NAV3: variants seen among roughly 807,000 people sequenced by gnomAD.
The protein encoded by NAV3 is pore membrane and/or filament interacting like protein 1.
Under a neutral mutation model 244.7 loss-of-function variants are expected in NAV3, and 87 were observed. The observed-to-expected ratio is 0.36, with a 90% confidence interval of 0.30 to 0.42. The LOEUF is 0.42. Among genes scored for constraint, NAV3 ranks in the 20% least tolerant of loss-of-function variants. The pLI is 1.00. For missense variants in NAV3, 2,663 were observed against 2,893.3 expected (o/e 0.92, Z 1.83); for synonymous variants, 1,126 against 1,042.2 (o/e 1.08, Z -1.55).
intron 2 of NAV3, among the ~76,000 whole-genome samples, chr12:77,653,167 T>C (rs1296354028): frequency 6.6e-6 from 1 of 152,188 alleles, no homozygotes; most frequent in Non-Finnish European, 1.5e-5. Flanking sequence ...ATCTTGAGAA[T>C]GGTATGTTCT....
intron 1 of NAV3, among the ~76,000 whole-genome samples, chr12:77,923,837 C>T (rs1887938633): frequency 6.6e-6 from 1 of 151,980 alleles, no homozygotes; most frequent in Non-Finnish European, 1.5e-5. Context: ...ATGAAGAGTC[C>T]ACAATATATG....
intron 2 of NAV3, among the ~76,000 whole-genome samples, chr12:77,615,444 C>T (rs1429669111): frequency 6.6e-6 from 1 of 152,064 alleles, no homozygotes; most frequent in Non-Finnish European, 1.5e-5. Flanking sequence ...CATTTAGCTC[C>T]CACTTACAAG....
chr12:77,940,258 C>A, intron 1 of NAV3, 61 bp from the exon 2 acceptor site: 2 of 1,214,510 alleles, frequency 1.6e-6, no homozygotes, highest in Non-Finnish European at 2.4e-6. Context: ...TTGTCTTCAG[C>A]ATTTTATTGT....
At chr12:78,069,921 C>T (rs1952669780) in intron 12 of NAV3, among the ~76,000 whole-genome samples, 1 of 151,940 alleles carries the variant, frequency 6.6e-6, no homozygotes, top group Non-Finnish European at 1.5e-5. Flanking sequence ...TGTAAACTAT[C>T]AGGAATTATA....
chr12:78,155,012 A>G (rs963849394), intron 22 of NAV3, among the ~76,000 whole-genome samples: 2 of 151,094 alleles, frequency 1.3e-5, no homozygotes, highest in Admixed American at 6.6e-5. Context: ...ATTTAAGACA[A>G]TATTTTTTTT....
At chr12:77,921,939 T>C (rs1391474120) in intron 1 of NAV3, among the ~76,000 whole-genome samples, 1 of 152,122 alleles carries the variant, frequency 6.6e-6, no homozygotes, top group Non-Finnish European at 1.5e-5. Flanking sequence ...CATAAGGTCC[T>C]TTGGAGGATA....
chr12:77,614,469 T>C (rs1448842373), intron 2 of NAV3, among the ~76,000 whole-genome samples: 5 of 152,186 alleles, frequency 3.3e-5, no homozygotes, highest in Admixed American at 2.6e-4. Context: ...TTTTAAAAAA[T>C]ATATTAAATA....
chr12:77,821,303 T>A (rs1872736872), intron 2 of NAV3, among the ~76,000 whole-genome samples: 1 of 152,368 alleles, frequency 6.6e-6, no homozygotes, highest in East Asian at 1.9e-4. Context: ...GCAATTACTT[T>A]AACTCATTAC....
At chr12:77,902,878 G>A (rs997994742) in intron 1 of NAV3, among the ~76,000 whole-genome samples, 1 of 152,092 alleles carries the variant, frequency 6.6e-6, no homozygotes, top group African/African-American at 2.4e-5. Flanking sequence ...AATCATGAGT[G>A]AACTCCCATT....
At chr12:77,738,890 T>G (rs1284345260) in intron 2 of NAV3, among the ~76,000 whole-genome samples, 1 of 151,898 alleles carries the variant, frequency 6.6e-6, no homozygotes, top group East Asian at 1.9e-4. Flanking sequence ...CGGGCGCCTG[T>G]AGTCCCAGCT....
chr12:78,062,500 G>A (rs193193415), intron 12 of NAV3, among the ~76,000 whole-genome samples: 141 of 152,034 alleles, frequency 9.3e-4, no homozygotes, highest in Non-Finnish European at 1.3e-3. Flanking sequence ...ACATATCAAA[G>A]GTACAGAGAA....
intron 2 of NAV3, among the ~76,000 whole-genome samples, chr12:77,755,167 C>T (rs1182224527): frequency 6.6e-6 from 1 of 152,000 alleles, no homozygotes; most frequent in African/African-American, 2.4e-5. Flanking sequence ...TCATTTGTTC[C>T]TGAAACCACT....
In NAV3 at chr12:78,007,084, A is replaced by G. The variant is rs1260184266; in HGVS notation, c.1546A>G (p.Lys516Glu). ...IPKGSKTTAA[K>E]KESLIPSSSG... The stretch of plus-strand genomic sequence containing the variant: ...TAAGGGCAGCAAGACAACAGCAGCT[A>G]AGAAGGAAAGCTTAATTCCGTCTTC... The change falls in exon 8 of 40, where the codon AAG (lysine) becomes GAG (glutamate). Residue 516 changes from lysine to glutamate, a missense_variant. Coordinates refer to ENST00000397909, the MANE Select transcript of NAV3 (RefSeq NM_001024383.2). 4 of 1,614,086 alleles carry G rather than the reference A, an allele frequency of 2.5e-6. No homozygotes were observed. The highest frequency in any genetic ancestry group is 3.4e-6 in the Non-Finnish European group (4 of 1,180,048).
intron 2 of NAV3, among the ~76,000 whole-genome samples, chr12:77,593,418 G>T (rs11105827): frequency 0.071 from 10,747 of 151,040 alleles, 889 homozygotes; most frequent in African/African-American, 0.2. Context: ...AGCCAAAGTG[G>T]TGTTCTCCCT....
intron 12 of NAV3, among the ~76,000 whole-genome samples, chr12:78,059,381 T>C (rs1374472985): frequency 6.6e-6 from 1 of 151,950 alleles, no homozygotes; most frequent in East Asian, 1.9e-4. Context: ...CTCTGCCTCC[T>C]GGGTTCAAGT....
chr12:78,083,349 G>A (rs147257903), intron 12 of NAV3, among the ~76,000 whole-genome samples: 83 of 152,236 alleles, frequency 5.5e-4, no homozygotes, highest in African/African-American at 1.9e-3. Context: ...GCTGCATTGG[G>A]GGTTAAATTT....
chr12:78,176,002 T>C (rs1394977033), intron 25 of NAV3, among the ~76,000 whole-genome samples: 4 of 152,194 alleles, frequency 2.6e-5, no homozygotes, highest in African/African-American at 9.6e-5. Context: ...TCGACAGGGC[T>C]TACCGTGTGA....
At chr12:77,786,050 C>T (rs1436637318) in intron 2 of NAV3, among the ~76,000 whole-genome samples, 2 of 152,150 alleles carry the variant, frequency 1.3e-5, no homozygotes, top group African/African-American at 4.8e-5. Context: ...CAAATTCTCT[C>T]ACCTAAGCTG....
chr12:77,833,343 GAATA>G (rs1455532585), intron 1 of NAV3, among the ~76,000 whole-genome samples: 2 of 152,020 alleles, frequency 1.3e-5, no homozygotes, highest in East Asian at 3.9e-4. Flanking sequence ...ATCAATGAAT[GAATA>G]AATAGTTATT....
Sources: allele counts gnomAD v4.1 joint callset (sites outside exome capture counted in the v4.1 genomes callset), GRCh38; gene constraint gnomAD v4.1.1; transcripts MANE v1.5; gene names NCBI Gene and HGNC (gene_info 2026-07-23, HGNC 2026-07-21).